Variants in CDH11 observed in about 807,000 individuals in gnomAD.
CDH11 encodes the protein cadherin 11.
A neutral mutation model predicts 67.8 loss-of-function variants in CDH11; 11 were observed. That is an observed-to-expected ratio of 0.16 (90% CI 0.10 to 0.27). The LOEUF is 0.27. Among genes scored for constraint, CDH11 ranks in the 10% least tolerant of loss-of-function variants. The pLI, the probability that CDH11 is intolerant of heterozygous loss-of-function variation, is 1.00. For synonymous variants in CDH11, 419 were observed against 400.0 expected (o/e 1.05, Z -0.57); for missense variants, 847 against 1,031.2 (o/e 0.82, Z 2.45).
chr16:65,008,969 T>C (rs1197920871), intron 2 of CDH11, among the ~76,000 whole-genome samples: 1 of 152,142 alleles, frequency 6.6e-6, no homozygotes, highest in Non-Finnish European at 1.5e-5. Flanking sequence ...CCCTAAAACG[T>C]AGCATTATTG....
chr16:65,067,489 T>C (rs2074332658), intron 1 of CDH11, among the ~76,000 whole-genome samples: 1 of 152,242 alleles, frequency 6.6e-6, no homozygotes. Context: ...CTCTTCTTTG[T>C]TGCTCATTCA....
At chr16:64,970,436 G>C (rs1027063205) in intron 11 of CDH11, among the ~76,000 whole-genome samples, 1 of 152,114 alleles carries the variant, frequency 6.6e-6, no homozygotes, top group African/African-American at 2.4e-5. Context: ...CTTTTATTTG[G>C]TTGATTGATT....
rs149971451 is a variant in CDH11 at position 65,090,056 on chromosome 16, G to A, written c.-298+31824C>T. ...AAATAACTTTTTGATGACATGGTGTGATTGCAATTTGTAATAAAATGAGAA... is the reference window on the plus strand; with the variant it reads ...AAATAACTTTTTGATGACATGGTGTAATTGCAATTTGTAATAAAATGAGAA... On this transcript the variant is annotated intron_variant, in intron 1 of 12. Coordinates refer to ENST00000268603, the MANE Select transcript of CDH11 (RefSeq NM_001797.4). Among the ~76,000 whole-genome samples, 357 of 152,230 alleles carry A rather than the reference G, an allele frequency of 2.3e-3. 2 individuals carry two copies. Among genetic ancestry groups the A allele is most frequent in the African/African-American group, 7.9e-3 (328 of 41,540 alleles).
Position 65,004,953 on chromosome 16 carries a change from C to A in CDH11, c.-84G>T. 7.0e-7 allele frequency: 1 copy of A among 1,438,842 alleles called. No homozygotes were observed. The allele number at this position is 1,438,842 out of a possible 1,614,324, so 89.1% of individuals were successfully genotyped here. On this transcript the variant is annotated 5_prime_UTR_variant, in exon 3 of 13. Transcript: ENST00000268603. Reference sequence around the variant, plus strand: ...GGTGGTCTTGCTGAGGGTGGCCTCCCGGACGCGTCACGCAGACCTCTCTTG... The same window carrying A: ...GGTGGTCTTGCTGAGGGTGGCCTCCAGGACGCGTCACGCAGACCTCTCTTG...
At position 64,950,977 on chromosome 16, in the gene CDH11, G is replaced by T. The variant is rs779408399; in HGVS notation, c.1684C>A (p.Arg562=). Residue 562 remains arginine, a synonymous_variant, in exon 12 of 13, where the codon CGG becomes AGG. Coordinates refer to ENST00000268603, the MANE Select transcript of CDH11 (RefSeq NM_001797.4). ...GVYARRGGFS[R]QKQDLYLLPI... ...AGAAGGTACAAGTCCTGCTTCTGCC[G>T]ACTGAACCCTCCACGCCGGGCGTAC... 2 of 1,614,014 alleles carry T rather than the reference G, an allele frequency of 1.2e-6. No individual in the cohort carries two copies. Among genetic ancestry groups the T allele is most frequent in the South Asian group, 2.2e-5 (2 of 91,084 alleles).
chr16:64,955,328 G>T (rs551574893), intron 11 of CDH11, among the ~76,000 whole-genome samples: 12 of 152,276 alleles, frequency 7.9e-5, no homozygotes, highest in African/African-American at 2.2e-4. Context: ...TATAATTCCA[G>T]TTATTCAGGA....
chr16:65,080,374 A>G (rs1216270209), intron 1 of CDH11, among the ~76,000 whole-genome samples: 1 of 152,200 alleles, frequency 6.6e-6, no homozygotes, highest in African/African-American at 2.4e-5. Flanking sequence ...ACTGGGTCAA[A>G]AGAGGTAAGA....
At chr16:64,952,013 C>T (rs1318012713) in intron 11 of CDH11, among the ~76,000 whole-genome samples, 2 of 152,190 alleles carry the variant, frequency 1.3e-5, no homozygotes, top group East Asian at 3.9e-4. Flanking sequence ...GCTTCCCAGG[C>T]TCACCTCCTA....
At chr16:64,978,112 A>T (rs1031296046) in intron 8 of CDH11, among the ~76,000 whole-genome samples, 7 of 152,214 alleles carry the variant, frequency 4.6e-5, no homozygotes, top group African/African-American at 1.7e-4. Flanking sequence ...GTGTGTGCTC[A>T]ATGAAGGTTT....
At chr16:65,074,585 T>C (rs2074476386) in intron 1 of CDH11, among the ~76,000 whole-genome samples, 1 of 152,146 alleles carries the variant, frequency 6.6e-6, no homozygotes, top group African/African-American at 2.4e-5. Flanking sequence ...AATTGGAACA[T>C]TTATGACAAG....
At position 65,056,825 on chromosome 16, in the gene CDH11, G is replaced by A. The variant is rs556878437; in HGVS notation, c.-297-2897C>T. 7.9e-5 allele frequency among the ~76,000 whole-genome samples: 12 copies of A among 152,254 alleles called. No homozygotes were observed. The East Asian group carries it at 1.4e-3, about 17-fold the overall frequency. On this transcript the variant is annotated intron_variant, in intron 1 of 12. Coordinates refer to ENST00000268603, the MANE Select transcript of CDH11 (RefSeq NM_001797.4). ...TGACTTCTCAAATCTGTAAAAGACC[G>A]ATCGAACTCCCCACTTTGTCTTGCA...
intron 8 of CDH11, chr16:64,981,097 C>CTTTTTTTTTTTTTT (rs71376752): frequency 1.1e-4 from 13 of 116,468 alleles, no homozygotes; most frequent in African/African-American, 4.2e-4. Flanking sequence ...TTCTTTCTTT[C>CTTTTTTTTTTTTTT]TTTTTTTTTT....
intron 1 of CDH11, among the ~76,000 whole-genome samples, chr16:65,105,423 A>G (rs564113439): frequency 6.6e-6 from 1 of 152,274 alleles, no homozygotes; most frequent in East Asian, 1.9e-4. Flanking sequence ...ACATTCCCAC[A>G]ACACAAGATA....
Position 64,992,973 on chromosome 16 carries a change from G to A in CDH11, c.585C>T (p.Ala195=). The part of the protein sequence containing the change: ...DADDPTYGNS[A]KLVYSILEGQ... ...CTTCGAGGATACTGTACACTAACTTGGCGCTATTTCCATAAGTGGGGTCAT... is the reference window on the plus strand; with the variant it reads ...CTTCGAGGATACTGTACACTAACTTAGCGCTATTTCCATAAGTGGGGTCAT... Residue 195 remains alanine (A), a synonymous_variant, in exon 5 of 13, where the codon GCC becomes GCT. Transcript: ENST00000268603. 1 of 1,611,288 alleles carries A rather than the reference G, an allele frequency of 6.2e-7. No individual in the cohort carries two copies. The highest frequency in any genetic ancestry group is 8.5e-7 in the Non-Finnish European group (1 of 1,177,604).
intron 1 of CDH11, among the ~76,000 whole-genome samples, chr16:65,076,413 A>G (rs2074510273): frequency 6.6e-6 from 1 of 152,312 alleles, no homozygotes; most frequent in Admixed American, 6.5e-5. Flanking sequence ...CTCCTCCACC[A>G]GCAGCATCCA....
At chr16:65,043,399 G>A (rs566167842) in intron 2 of CDH11, among the ~76,000 whole-genome samples, 1 of 152,108 alleles carries the variant, frequency 6.6e-6, no homozygotes, top group East Asian at 1.9e-4. Context: ...AAAAGGAAGG[G>A]GAATCAGAAA....
chr16:65,087,820 T>A (rs1289660814), intron 1 of CDH11, among the ~76,000 whole-genome samples: 1 of 152,226 alleles, frequency 6.6e-6, no homozygotes, highest in Non-Finnish European at 1.5e-5. Flanking sequence ...GCACATTTAA[T>A]ACAACATGGC....
chr16:64,987,945 G>A (rs1444680307), intron 7 of CDH11: 1 of 428,216 alleles, frequency 2.3e-6, no homozygotes, highest in Non-Finnish European at 4.1e-6. Flanking sequence ...ATCTCAGGCA[G>A]GTATCACCAG....
intron 2 of CDH11, among the ~76,000 whole-genome samples, chr16:65,009,600 G>A (rs532463135): frequency 6.6e-6 from 1 of 152,154 alleles, no homozygotes; most frequent in South Asian, 2.1e-4. Context: ...AGGAGACCTT[G>A]ATGTTGGTAA....
Sources: gnomAD v4.1 joint callset for allele counts (sites outside exome capture counted in the v4.1 genomes callset) on GRCh38, gnomAD v4.1.1 for gene constraint, MANE v1.5 for transcripts, NCBI Gene and HGNC (gene_info 2026-07-23, HGNC 2026-07-21) for gene names.